Variants in CD274 observed in about 807,000 individuals in gnomAD.
CD274 encodes the protein CD274 molecule.
CD274 carries 8 observed loss-of-function variants against 30.1 expected under a neutral mutation model. The observed-to-expected ratio is 0.27, with a 90% CI of 0.16 to 0.48. The LOEUF is 0.48. Ranked by LOEUF, CD274 falls within the 20% of genes least tolerant of loss-of-function variation. CD274 has a pLI of 0.99. For synonymous variants in CD274, 152 were observed against 124.6 expected, an observed-to-expected ratio of 1.22 and a Z score of -1.46; for missense variants, 353 against 346.6, an observed-to-expected ratio of 1.02 and a Z score of -0.15.
In CD274 at chr9:5,465,526, A is replaced by C; in HGVS notation, c.710A>C (p.Glu237Ala). The change falls in exon 5 of 7, where the codon GAA becomes GCA. Residue 237 changes from glutamate to alanine, a missense_variant. Transcript: ENST00000381577. Reference protein sequence around the residue: ...PELPLAHPPNERTHLVILGAI... With the variant: ...PELPLAHPPNARTHLVILGAI... ...CTACCTCTGGCACATCCTCCAAATG[A>C]AAGGACTCACTTGGTAATTCTGGGA... 1 of 1,610,744 alleles carries C rather than the reference A, an allele frequency of 6.2e-7. No homozygotes were observed.
At chr9:5,457,655 C>T (rs932158420) in intron 3 of CD274, among the ~76,000 whole-genome samples, 1 of 152,184 alleles carries the variant, frequency 6.6e-6, no homozygotes, top group Non-Finnish European at 1.5e-5. Flanking sequence ...ACAGTATGTA[C>T]AGTTTTCCAA....
At position 5,468,213 on chromosome 9, in the gene CD274, G is replaced by C; in HGVS notation, c.*351G>C. 3.0e-6 allele frequency: 1 copy of C among 331,674 alleles called. No homozygotes were observed. The highest frequency in any genetic ancestry group is 5.5e-6 in the Non-Finnish European group (1 of 180,406). 20.5% of individuals were successfully genotyped at this position (331,674 alleles called of 1,614,324 possible). On this transcript the variant is annotated 3_prime_UTR_variant, in exon 7 of 7. Transcript: ENST00000381577. ...TTGAGAATCCCTAATTTGAGGGTCA[G>C]TTCCTGCAGAAGTGCCCTTTGCCTC...
intron 1 of CD274, among the ~76,000 whole-genome samples, chr9:5,454,344 T>C (rs1819262347): frequency 6.6e-6 from 1 of 152,202 alleles, no homozygotes; most frequent in Non-Finnish European, 1.5e-5. Context: ...GTTCTCCCTC[T>C]AATTTAATTC....
At chr9:5,456,047 G>T (rs1819295717) in intron 1 of CD274, 53 bp from the exon 2 acceptor site, 8 of 983,742 alleles carry the variant, frequency 8.1e-6, no homozygotes, top group Non-Finnish European at 1.3e-5. Flanking sequence ...TTGTCATATT[G>T]TATGTTTAAT....
rs191895043 is a variant in CD274, at chr9:5,468,440, G to A, written c.*578G>A. On this transcript the variant is annotated 3_prime_UTR_variant, in exon 7 of 7. Coordinates refer to ENST00000381577, the MANE Select transcript of CD274 (RefSeq NM_014143.4). ...CGCCAAACTAAACTTGCTGCTTAAT[G>A]ATTTGCTCACATCTAGTAAAACATG... The A allele has an allele frequency of 4.3e-6, 1 of 233,484 alleles. No individual in the cohort carries two copies. The highest frequency in any genetic ancestry group is 5.6e-5 in the Admixed American group (1 of 17,824). 14.5% of individuals were successfully genotyped at this position (233,484 alleles called of 1,614,324 possible).
In CD274 at chr9:5,466,785, T is replaced by A. The variant is rs141978642; in HGVS notation, c.806T>A (p.Val269Glu). ...TTTTCTCAAGGGAGAATGATGGATG[T>A]GAAAAAATGTGGCATCCAAGATACA... ...FRLRKGRMMD[V>E]KKCGIQDTNS... The change falls in exon 6 of 7, where the codon GTG becomes GAG. Residue 269 changes from valine (V) to glutamate (E), a missense_variant. Coordinates refer to ENST00000381577, the MANE Select transcript of CD274 (RefSeq NM_014143.4). 2.3e-4 allele frequency: 367 copies of A among 1,610,322 alleles called. 3 individuals are homozygous for A. In the African/African-American group the frequency reaches 4.5e-3, roughly 20 times the overall value.
intron 1 of CD274, among the ~76,000 whole-genome samples, chr9:5,452,568 G>T (rs758456771): frequency 2.0e-5 from 3 of 152,156 alleles, no homozygotes; most frequent in Non-Finnish European, 2.9e-5. Context: ...TAGACCAACT[G>T]CCCTGATATG....
At chr9:5,457,455 A>T in intron 3 of CD274, 35 bp downstream of exon 3, 1 of 1,535,712 alleles carries the variant, frequency 6.5e-7, no homozygotes, top group Non-Finnish European at 9.0e-7. Context: ...CCTGATCTTT[A>T]TTGAAAACAT....
chr9:5,468,057 G>A lies in CD274; in HGVS notation c.*195G>A. 1.7e-6 allele frequency: 1 copy of A among 605,282 alleles called. No homozygotes were observed. The highest frequency in any genetic ancestry group is 2.1e-5 in the South Asian group (1 of 48,286). The allele number at this position is 605,282 out of a possible 1,614,324, so 37.5% of individuals were successfully genotyped here. ...AATGAAGAAAGATGGAGTCAAACAG[G>A]GAGCCTGGAGGGAGACCTTGATACT... On this transcript the variant is annotated 3_prime_UTR_variant, in exon 7 of 7. Coordinates refer to ENST00000381577, the MANE Select transcript of CD274 (RefSeq NM_014143.4).
chr9:5,467,014 G>A (rs546236667), intron 6 of CD274, among the ~76,000 whole-genome samples, 185 bp downstream of exon 6: 2 of 152,210 alleles, frequency 1.3e-5, no homozygotes, highest in Non-Finnish European at 2.9e-5. Context: ...GGAAGGGGAA[G>A]GAGTCAGCTT....
At chr9:5,458,756 T>G (rs1819351256) in intron 3 of CD274, among the ~76,000 whole-genome samples, 2 of 152,238 alleles carry the variant, frequency 1.3e-5, no homozygotes, top group Admixed American at 1.3e-4. Flanking sequence ...AAAGTAGATT[T>G]AATTTTCATT....
At chr9:5,459,404 C>T (rs1200223899) in intron 3 of CD274, among the ~76,000 whole-genome samples, 1 of 152,192 alleles carries the variant, frequency 6.6e-6, no homozygotes, top group Non-Finnish European at 1.5e-5. Context: ...GGCCGTGTCT[C>T]CAATGGAAAT....
chr9:5,453,148 C>T (rs1819237352), intron 1 of CD274, among the ~76,000 whole-genome samples: 1 of 152,068 alleles, frequency 6.6e-6, no homozygotes. Flanking sequence ...CGCTATTCCA[C>T]ATCTACAGGA....
chr9:5,464,243 C>A (rs995090456), intron 4 of CD274, among the ~76,000 whole-genome samples: 9 of 152,232 alleles, frequency 5.9e-5, no homozygotes, highest in Admixed American at 4.6e-4. Context: ...TGTTTTATGA[C>A]AACTTACTTG....
chr9:5,457,483 C>T (rs1563802965), intron 3 of CD274, 63 bp downstream of exon 3: 1 of 1,319,906 alleles, frequency 7.6e-7, no homozygotes, highest in Non-Finnish European at 1.1e-6. Flanking sequence ...GTGTTGAAGA[C>T]TTTTCATTCT....
At position 5,465,557 on chromosome 9, in the gene CD274, C is replaced by G. The variant is rs2131229979; in HGVS notation, c.741C>G (p.Ile247Met). Residue 247 changes from isoleucine to methionine, a missense_variant, in exon 5 of 7, where the codon ATC becomes ATG. Coordinates refer to ENST00000381577, the MANE Select transcript of CD274 (RefSeq NM_014143.4). Reference protein sequence around the residue: ...ERTHLVILGAILLCLGVALTF... With the variant: ...ERTHLVILGAMLLCLGVALTF... ...CTCACTTGGTAATTCTGGGAGCCAT[C>G]TTATTATGCCTTGGTGTAGCACTGA... The G allele has an allele frequency of 1.9e-6, 3 of 1,611,430 alleles. No homozygotes were observed. Among genetic ancestry groups the G allele is most frequent in the East Asian group, 2.2e-5 (1 of 44,872 alleles).
rs1819558542 is a variant in CD274 at position 5,469,711 on chromosome 9, A to G, written c.*1849A>G. ...ATATGTCCTACATATACATTTAGAC[A>G]ACCACCATTTGTTAAGTATTTGCTC... On this transcript the variant is annotated 3_prime_UTR_variant, in exon 7 of 7. Transcript: ENST00000381577. 1.3e-5 allele frequency: 3 copies of G among 232,662 alleles called. No homozygotes were observed. The highest frequency in any genetic ancestry group is 1.7e-5 in the Non-Finnish European group (2 of 117,692). The allele number at this position is 232,662 out of a possible 1,614,324, so 14.4% of individuals were successfully genotyped here. A position where few individuals can be genotyped will look rare whatever the true frequency, so the allele number is the denominator to read the frequency against.
chr9:5,466,654 C>T, intron 5 of CD274, 116 bp from the exon 6 acceptor site: 1 of 723,078 alleles, frequency 1.4e-6, no homozygotes, highest in South Asian at 1.9e-5. Flanking sequence ...TAAGGATGTC[C>T]ACCAGACTTC....
At chr9:5,455,231 A>C (rs1819279478) in intron 1 of CD274, among the ~76,000 whole-genome samples, 1 of 152,148 alleles carries the variant, frequency 6.6e-6, no homozygotes, top group East Asian at 1.9e-4. Context: ...ATAGAGTATA[A>C]ATCTTTTACT....
Sources: gnomAD v4.1 joint callset for allele counts (sites outside exome capture counted in the v4.1 genomes callset) on GRCh38, gnomAD v4.1.1 for gene constraint, MANE v1.5 for transcripts, NCBI Gene and HGNC (gene_info 2026-07-23, HGNC 2026-07-21) for gene names.